RBM27: variants seen among roughly 807,000 people sequenced by gnomAD.
The protein encoded by RBM27 is RNA-binding protein 27.
In RBM27, 22 loss-of-function variants were observed where a neutral mutation model predicts 135.3. That is an observed-to-expected ratio of 0.16 (90% confidence interval 0.12 to 0.23). The LOEUF (loss-of-function observed/expected upper bound fraction) is 0.23. Among genes scored for constraint, RBM27 ranks in the 10% least tolerant of loss-of-function variants. RBM27 has a pLI of 1.00. For missense variants in RBM27, 1,009 were observed against 1,281.0 expected (o/e 0.79, Z 3.24); for synonymous variants, 481 against 442.4 (o/e 1.09, Z -1.10).
At chr5:146,282,495 A>G (rs1023961789) in intron 19 of RBM27, among the ~76,000 whole-genome samples, 1 of 152,176 alleles carries the variant, frequency 6.6e-6, no homozygotes, top group Admixed American at 6.5e-5. Flanking sequence ...ATTGGGAAAA[A>G]AATGAAAGGT....
chr5:146,273,105 T>C (rs1758940280), intron 19 of RBM27, among the ~76,000 whole-genome samples: 1 of 152,214 alleles, frequency 6.6e-6, no homozygotes, highest in Admixed American at 6.5e-5. Context: ...ATTGGTCTTG[T>C]AGAACCAGTA....
At chr5:146,233,015 A>C (rs1478048705) in intron 6 of RBM27, among the ~76,000 whole-genome samples, 1 of 152,212 alleles carries the variant, frequency 6.6e-6, no homozygotes, top group Non-Finnish European at 1.5e-5. Flanking sequence ...GAAAGTTTCA[A>C]CTTCCAGATA....
intron 10 of RBM27, among the ~76,000 whole-genome samples, chr5:146,256,098 C>T (rs975953363): frequency 6.6e-6 from 1 of 151,280 alleles, no homozygotes; most frequent in Admixed American, 6.6e-5. Flanking sequence ...TGAGGTTATC[C>T]ACCTACCTTG....
intron 12 of RBM27, 124 bp downstream of exon 12, chr5:146,261,022 T>C: frequency 3.3e-6 from 3 of 915,806 alleles, no homozygotes; most frequent in Non-Finnish European, 5.0e-6. Context: ...GTGCTGTAAA[T>C]GCCACCATAT....
At position 146,267,635 on chromosome 5, in the gene RBM27, T is replaced by A. The variant is rs779293672; in HGVS notation, c.2332-14T>A. ...TATATTTGTGTGTGCTTTTTTTTTTTCTTTATTTTTTAGATATTTTCAACT... is the reference window on the plus strand; with the variant it reads ...TATATTTGTGTGTGCTTTTTTTTTTACTTTATTTTTTAGATATTTTCAACT... On this transcript the variant is annotated splice_polypyrimidine_tract_variant and intron_variant, in intron 14 of 20. Transcript: ENST00000265271. The A allele has an allele frequency of 6.7e-6, 10 of 1,484,650 alleles. No homozygotes were observed. The highest frequency in any genetic ancestry group is 2.5e-5 in the South Asian group (2 of 80,804). 92.0% of individuals were successfully genotyped at this position (1,484,650 alleles called of 1,614,324 possible). A position where few individuals can be genotyped will look rare whatever the true frequency, so the allele number is the denominator to read the frequency against.
At chr5:146,235,076 A>ATAAATAAAT (rs1554079856) in intron 7 of RBM27, among the ~76,000 whole-genome samples, 3 of 151,174 alleles carry the variant, frequency 2.0e-5, no homozygotes, top group Middle Eastern at 3.4e-3. Flanking sequence ...AAATAAATAA[A>ATAAATAAAT]AGATGGCAAA....
At chr5:146,257,088 G>A (rs1038306833) in intron 10 of RBM27, among the ~76,000 whole-genome samples, 2 of 152,252 alleles carry the variant, frequency 1.3e-5, no homozygotes, top group East Asian at 1.9e-4. Flanking sequence ...TATACCCAAG[G>A]TCTGCTATAG....
chr5:146,266,138 G>A (rs1471277045), intron 14 of RBM27, among the ~76,000 whole-genome samples: 1 of 152,114 alleles, frequency 6.6e-6, no homozygotes, highest in Non-Finnish European at 1.5e-5. Flanking sequence ...AAACTAAGGA[G>A]GGTGTCAAAG....
At chr5:146,247,891 C>A (rs1000905790) in intron 8 of RBM27, among the ~76,000 whole-genome samples, 12 of 152,084 alleles carry the variant, frequency 7.9e-5, no homozygotes, top group African/African-American at 2.2e-4. Flanking sequence ...CATTTTTGAT[C>A]ATTGCCTGGA....
chr5:146,228,248 A>G (rs934056327), intron 3 of RBM27, among the ~76,000 whole-genome samples: 3 of 148,974 alleles, frequency 2.0e-5, no homozygotes, highest in Non-Finnish European at 4.4e-5. Context: ...AGGTAGATGG[A>G]CATGTTTCAT....
intron 8 of RBM27, among the ~76,000 whole-genome samples, chr5:146,240,334 ATCTG>A (rs1357184999): frequency 2.1e-5 from 3 of 140,888 alleles, no homozygotes; most frequent in South Asian, 2.2e-4. Context: ...CTGTCTGTCT[ATCTG>A]TCTGTCTATC....
At chr5:146,262,890 CTTTTTTTT>C (rs1156565843) in intron 13 of RBM27, among the ~76,000 whole-genome samples, 1 of 140,514 alleles carries the variant, frequency 7.1e-6, no homozygotes, top group African/African-American at 2.6e-5. Flanking sequence ...TTCTTTTTTC[CTTTTTTTT>C]TTTTTTTGAG....
chr5:146,227,251 T>G (rs753468531), intron 3 of RBM27, among the ~76,000 whole-genome samples: 3 of 152,236 alleles, frequency 2.0e-5, no homozygotes, highest in Non-Finnish European at 4.4e-5. Context: ...TTACCTCATC[T>G]TTTTCCTTAA....
At position 146,203,717 on chromosome 5, in the gene RBM27, C is replaced by T. The variant is rs1393774469; in HGVS notation, c.-49C>T. ...GTGAGGGGGCGGCGTAGTGGAGACC[C>T]ACGGCAGGCCTGAAGAAGAGCGGCG... On this transcript the variant is annotated 5_prime_UTR_variant, in exon 1 of 21. Coordinates refer to ENST00000265271, the MANE Select transcript of RBM27 (RefSeq NM_018989.2). 1.2e-5 allele frequency: 19 copies of T among 1,527,972 alleles called. No homozygotes were observed. Among genetic ancestry groups the T allele is most frequent in the Middle Eastern group, 3.4e-4 (2 of 5,850 alleles). 94.7% of individuals were successfully genotyped at this position (1,527,972 alleles called of 1,614,324 possible). A position where few individuals can be genotyped will look rare whatever the true frequency, so the allele number is the denominator to read the frequency against.
chr5:146,245,867 T>G (rs1757603693), intron 8 of RBM27, among the ~76,000 whole-genome samples: 1 of 152,118 alleles, frequency 6.6e-6, no homozygotes. Flanking sequence ...CCCCTGCCAT[T>G]TGTGGAAAAA....
intron 6 of RBM27, among the ~76,000 whole-genome samples, chr5:146,232,397 C>A (rs1375586698): frequency 6.6e-6 from 1 of 152,060 alleles, no homozygotes; most frequent in African/African-American, 2.4e-5. Flanking sequence ...ATAATCTGTG[C>A]GTATGTACAT....
At chr5:146,279,770 T>C (rs1245460158) in intron 19 of RBM27, among the ~76,000 whole-genome samples, 1 of 142,528 alleles carries the variant, frequency 7.0e-6, no homozygotes, top group Non-Finnish European at 1.5e-5. Flanking sequence ...ATTGCGCCAC[T>C]GCACTCCAGC....
At chr5:146,226,435 A>G (rs1756680856) in intron 3 of RBM27, among the ~76,000 whole-genome samples, 1 of 151,906 alleles carries the variant, frequency 6.6e-6, no homozygotes, top group African/African-American at 2.4e-5. Context: ...CTGGAGTGCA[A>G]TGGTGTAGTC....
At chr5:146,240,837 GTCT>G (rs1414275823) in intron 8 of RBM27, among the ~76,000 whole-genome samples, 1 of 151,868 alleles carries the variant, frequency 6.6e-6, no homozygotes, top group Non-Finnish European at 1.5e-5. Context: ...TTGCTATAGC[GTCT>G]TTTCATAGAA....
Sources: gnomAD v4.1 joint callset for allele counts (sites outside exome capture counted in the v4.1 genomes callset) on GRCh38, gnomAD v4.1.1 for gene constraint, MANE v1.5 for transcripts, NCBI Gene and HGNC (gene_info 2026-07-23, HGNC 2026-07-21) for gene names.